Variants in MIOS observed in about 807,000 individuals in gnomAD.
MIOS encodes GATOR2 complex protein MIOS.
A neutral mutation model predicts 96.9 loss-of-function variants in MIOS; 52 were observed. That is an observed-to-expected ratio of 0.54 (90% CI 0.43 to 0.68). The LOEUF is 0.68. Among genes scored for constraint, MIOS ranks in the 30% least tolerant of loss-of-function variants. The pLI is 0.00. For missense variants in MIOS, 1,005 were observed against 1,052.8 expected (o/e 0.95, Z 0.63); for synonymous variants, 397 against 359.5 (o/e 1.10, Z -1.18).
chr7:7,606,101 T>C (rs769446174), intron 12 of MIOS, 30 bp downstream of exon 12: 2 of 1,612,152 alleles, frequency 1.2e-6, no homozygotes, highest in Non-Finnish European at 1.7e-6. Flanking sequence ...TTTGATAGGC[T>C]TGGAGTTATG....
chr7:7,582,817 G>T, intron 5 of MIOS: 1 of 273,206 alleles, frequency 3.7e-6, no homozygotes, highest in Admixed American at 5.4e-5. Flanking sequence ...GAAACAATGG[G>T]TGGTGAGTTA....
chr7:7,591,810 G>A (rs1356177136), intron 9 of MIOS, among the ~76,000 whole-genome samples: 1 of 152,010 alleles, frequency 6.6e-6, no homozygotes, highest in African/African-American at 2.4e-5. Flanking sequence ...GCAGATTTGG[G>A]AAGTACGGGG....
intron 7 of MIOS, 112 bp from the exon 8 acceptor site, chr7:7,588,386 A>T (rs1783951883): frequency 3.9e-6 from 2 of 511,708 alleles, no homozygotes; most frequent in Admixed American, 4.2e-5. Flanking sequence ...TAACTTATTA[A>T]TAAATTTGGA....
At chr7:7,592,705 A>C (rs970759461) in intron 9 of MIOS, among the ~76,000 whole-genome samples, 2 of 152,068 alleles carry the variant, frequency 1.3e-5, no homozygotes, top group African/African-American at 4.8e-5. Context: ...TGCAGTTCAC[A>C]GTAGGGTTCA....
At position 7,600,958 on chromosome 7, in the gene MIOS, T is replaced by G. The variant is rs1010758458; in HGVS notation, c.2401+4497T>G. On this transcript the variant is annotated intron_variant, in intron 11 of 12. Transcript: ENST00000340080. ...ACATGGAAACTGAACAACGTGCTCC[T>G]GAATGACTACTGGGTACATAACGAA... Among the ~76,000 whole-genome samples the G allele has an allele frequency of 2.6e-4, 40 of 152,310 alleles. 1 individual carries two copies. The highest frequency in any genetic ancestry group is 8.4e-4 in the African/African-American group (35 of 41,564).
intron 6 of MIOS, among the ~76,000 whole-genome samples, chr7:7,583,670 C>G (rs1284881211): frequency 1.3e-5 from 2 of 151,268 alleles, no homozygotes; most frequent in East Asian, 3.9e-4. Flanking sequence ...GTTCACATAA[C>G]ATTTTTTAAA....
rs761763351 is a variant in MIOS at position 7,607,019 on chromosome 7, C to T, written c.2555C>T (p.Ser852Leu). 9 of 1,612,754 alleles carry T rather than the reference C, an allele frequency of 5.6e-6. No homozygotes were observed. The highest frequency in any genetic ancestry group is 2.7e-5 in the African/African-American group (2 of 74,816). The change falls in exon 13 of 13, where the codon TCG becomes TTG. Residue 852 changes from serine (S) to leucine (L), a missense_variant. Coordinates refer to ENST00000340080, the MANE Select transcript of MIOS (RefSeq NM_019005.4). ...WFRDHAECPV[S>L]ACTCKCMQLD... Reference sequence around the variant, plus strand: ...AGGGACCATGCAGAGTGCCCTGTGTCGGCATGCACGTGTAAATGTATGCAG... The same window carrying T: ...AGGGACCATGCAGAGTGCCCTGTGTTGGCATGCACGTGTAAATGTATGCAG...
chr7:7,577,633 A>C (rs1783580128), intron 5 of MIOS, among the ~76,000 whole-genome samples: 1 of 152,214 alleles, frequency 6.6e-6, no homozygotes, highest in Non-Finnish European at 1.5e-5. Flanking sequence ...TGGGATCCAG[A>C]GCACAGGTTT....
At chr7:7,588,464 A>G (rs1783954859) in intron 7 of MIOS, 34 bp from the exon 8 acceptor site, 4 of 1,474,950 alleles carry the variant, frequency 2.7e-6, no homozygotes, top group East Asian at 2.4e-5. Context: ...CAGTGCGCCT[A>G]GAAGTAACTC....
chr7:7,597,170 C>CA (rs1223230072), intron 11 of MIOS, among the ~76,000 whole-genome samples: 2 of 151,466 alleles, frequency 1.3e-5, no homozygotes, highest in Non-Finnish European at 2.9e-5. Flanking sequence ...ACTAAAAATA[C>CA]AAAAAATTAG....
chr7:7,602,575 G>A (rs1371263866), intron 11 of MIOS, among the ~76,000 whole-genome samples: 5 of 152,048 alleles, frequency 3.3e-5, no homozygotes, highest in African/African-American at 7.2e-5. Context: ...AAATAAAAGA[G>A]GATACAAACA....
chr7:7,609,056 C>T (rs1024354749), downstream of MIOS: 1 of 151,980 alleles, frequency 6.6e-6, no homozygotes, highest in Non-Finnish European at 1.5e-5. Context: ...GATACTTTAC[C>T]TAAACATGAT....
intron 11 of MIOS, among the ~76,000 whole-genome samples, chr7:7,601,950 A>G (rs1449945298): frequency 6.6e-6 from 1 of 152,222 alleles, no homozygotes; most frequent in Admixed American, 6.5e-5. Flanking sequence ...TCCAGCACAT[A>G]AACAGAACCA....
intron 11 of MIOS, among the ~76,000 whole-genome samples, chr7:7,603,858 T>C (rs1286512612): frequency 4.0e-5 from 6 of 151,782 alleles, no homozygotes; most frequent in Non-Finnish European, 5.9e-5. Context: ...GTGGCACATA[T>C]ACACCATGGA....
At chr7:7,603,475 T>C (rs1784437458) in intron 11 of MIOS, among the ~76,000 whole-genome samples, 1 of 149,664 alleles carries the variant, frequency 6.7e-6, no homozygotes, top group South Asian at 2.2e-4. Flanking sequence ...TCATCATCAC[T>C]GGCCATCAGA....
At chr7:7,604,023 A>G (rs980652467) in intron 11 of MIOS, among the ~76,000 whole-genome samples, 3 of 146,272 alleles carry the variant, frequency 2.1e-5, no homozygotes, top group Non-Finnish European at 4.5e-5. Flanking sequence ...TTGAGAACAC[A>G]TGGACACAGT....
intron 11 of MIOS, among the ~76,000 whole-genome samples, chr7:7,597,433 T>C (rs1316032616): frequency 1.5e-5 from 2 of 136,220 alleles, no homozygotes; most frequent in Non-Finnish European, 3.2e-5. Context: ...TAGATTTTGA[T>C]GCTGCTTCTG....
intron 6 of MIOS, among the ~76,000 whole-genome samples, chr7:7,583,994 G>T (rs543918639): frequency 3.3e-5 from 5 of 152,100 alleles, no homozygotes; most frequent in African/African-American, 9.6e-5. Context: ...AACCTCAGGG[G>T]TTTTTTTCTT....
In MIOS at chr7:7,573,439, G is replaced by A. The variant is rs566882435; in HGVS notation, c.964G>A (p.Asp322Asn). Residue 322 changes from aspartate to asparagine, a missense_variant, in exon 4 of 13, where the codon GAC (aspartate) becomes AAC (asparagine). Around this residue, in one of 3 missense-constraint regions of MIOS, gnomAD observed 865 missense variants for 887.9 expected, o/e 0.97. Coordinates refer to ENST00000340080, the MANE Select transcript of MIOS (RefSeq NM_019005.4). This position sits in a 1 kb window ranked among gnomAD's most constrained non-coding sequence, Gnocchi z 5.0. The stretch of plus-strand genomic sequence containing the variant: ...AATTGAAAGAAGTGTGCAACCTTGT[G>A]ACAATTACATTGCTTCCTTTGCGTG... Reference protein sequence around the residue: ...TIIERSVQPCDNYIASFAWHP... With the variant: ...TIIERSVQPCNNYIASFAWHP... 91 of 1,614,138 alleles carry A rather than the reference G, an allele frequency of 5.6e-5. No homozygotes were observed. The East Asian group carries it at 1.4e-3, about 24-fold the overall frequency.
Sources: allele counts gnomAD v4.1 joint callset (sites outside exome capture counted in the v4.1 genomes callset), GRCh38; gene constraint gnomAD v4.1.1; regional missense constraint gnomAD v4.1.1; non-coding constraint Gnocchi (gnomAD v3.1); transcripts MANE v1.5; gene names NCBI Gene and HGNC (gene_info 2026-07-23, HGNC 2026-07-21).